RARA: variants seen among roughly 807,000 people sequenced by gnomAD.
RARA encodes PML-DDX5-RARA fusion.
A neutral mutation model predicts 42.8 loss-of-function variants in RARA; 5 were observed. That is an observed-to-expected ratio of 0.12 (90% CI 0.06 to 0.25). The LOEUF is 0.25. Ranked by LOEUF, RARA falls within the 10% of genes least tolerant of loss-of-function variation. RARA has a pLI of 1.00. For missense variants in RARA, 402 were observed against 628.7 expected (o/e 0.64, Z 3.86); for synonymous variants, 256 against 259.5 (o/e 0.99, Z 0.13).
In RARA at chr17:40,355,284, C is replaced by T. The variant is rs568539129; in HGVS notation, c.1034C>T (p.Pro345Leu). ...ICGDRQDLEQPDRVDMLQEPL... is the reference protein window; with the variant it reads ...ICGDRQDLEQLDRVDMLQEPL... ...TCAGACCGCCAGGACCTGGAGCAGC[C>T]GGACCGGGTGGACATGCTGCAGGAG... Residue 345 changes from proline (P) to leucine (L), a missense_variant, in exon 8 of 9, where the codon CCG (proline) becomes CTG (leucine). Pro to Leu is a moderately conservative substitution (Grantham distance 98). Around this residue, in one of 5 missense-constraint regions of RARA, gnomAD observed 104 missense variants for 160.1 expected, o/e 0.65. Coordinates refer to ENST00000254066, the MANE Select transcript of RARA (RefSeq NM_000964.4). This position sits in a 1 kb window ranked among gnomAD's most constrained non-coding sequence, Gnocchi z 4.1. The T allele has an allele frequency of 3.1e-6, 5 of 1,587,884 alleles. No homozygotes were observed. Among genetic ancestry groups the T allele is most frequent in the Middle Eastern group, 1.7e-4 (1 of 5,992 alleles).
chr17:40,315,100 G>GTATATATATA (rs10653964), intron 1 of RARA, among the ~76,000 whole-genome samples: 3 of 72,796 alleles, frequency 4.1e-5, no homozygotes, highest in East Asian at 3.8e-4. Flanking sequence ...TGGGTTATAT[G>GTATATATATA]TATATATATA....
intron 1 of RARA, among the ~76,000 whole-genome samples, chr17:40,310,544 T>A (rs1347055621): frequency 1.3e-5 from 2 of 152,102 alleles, no homozygotes; most frequent in African/African-American, 4.8e-5. Context: ...CCGGGTCCCC[T>A]AAAGGTTGGT....
At chr17:40,342,649 G>T in intron 2 of RARA, 1 of 1,557,274 alleles carries the variant, frequency 6.4e-7, no homozygotes, top group South Asian at 1.2e-5. Flanking sequence ...CCGGCTGAGT[G>T]ACGGGGGCGG....
intron 2 of RARA, among the ~76,000 whole-genome samples, chr17:40,336,043 A>C (rs2033839080): frequency 6.6e-6 from 1 of 152,074 alleles, no homozygotes; most frequent in African/African-American, 2.4e-5. Context: ...GTCACATACA[A>C]CTTGCTGATA....
At chr17:40,318,261 TAA>T (rs987020272) in intron 1 of RARA, 2 of 152,204 alleles carry the variant, frequency 1.3e-5, no homozygotes, top group African/African-American at 4.8e-5. Context: ...GGGCTCCGGG[TAA>T]AGTTTCAGCC....
intron 1 of RARA, among the ~76,000 whole-genome samples, chr17:40,322,681 G>C (rs1422329160): frequency 6.6e-6 from 1 of 152,002 alleles, no homozygotes; most frequent in Non-Finnish European, 1.5e-5. Context: ...GGGAAGCTGC[G>C]GTGGGGAGTT....
At chr17:40,333,396 G>A (rs2143296855) in intron 2 of RARA, among the ~76,000 whole-genome samples, 1 of 152,214 alleles carries the variant, frequency 6.6e-6, no homozygotes, top group East Asian at 1.9e-4. Flanking sequence ...AGGCTGGAGT[G>A]CAGTGGCACC....
chr17:40,340,222 C>G (rs1178990589), intron 2 of RARA, among the ~76,000 whole-genome samples: 1 of 152,140 alleles, frequency 6.6e-6, no homozygotes. Context: ...TTGTCTGATG[C>G]CTGGACTGCT....
Position 40,351,802 on chromosome 17 carries a change from C to A in RARA, c.470-108C>A, listed in dbSNP as rs2034461460. 8 of 1,444,744 alleles carry A rather than the reference C, an allele frequency of 5.5e-6. No homozygotes were observed. Among genetic ancestry groups the A allele is most frequent in the Non-Finnish European group, 7.4e-6 (8 of 1,075,154 alleles). 89.5% of individuals were successfully genotyped at this position (1,444,744 alleles called of 1,614,324 possible). ...AACGCGTGCTGTGTGCGCGTGCTTA[C>A]AAGCCTGGGTGACCTCCTCAGCAGC... On this transcript the variant is annotated intron_variant, in intron 4 of 8. Transcript: ENST00000254066. This position sits in a 1 kb window ranked among gnomAD's most constrained non-coding sequence, Gnocchi z 4.1.
rs970695211 is a variant in RARA, at chr17:40,355,507, C to A, written c.1171+86C>A. On this transcript the variant is annotated intron_variant, in intron 8 of 8. Transcript: ENST00000254066. This position sits in a 1 kb window ranked among gnomAD's most constrained non-coding sequence, Gnocchi z 4.1. ...CAAGCCAGCACCCCATGTCTTTGTG[C>A]CAGGACAATACGACACCTGTCCCCA... 1.3e-5 allele frequency: 20 copies of A among 1,485,660 alleles called. No homozygotes were observed. The highest frequency in any genetic ancestry group is 1.6e-5 in the Non-Finnish European group (18 of 1,103,382). 92.0% of individuals were successfully genotyped at this position (1,485,660 alleles called of 1,614,324 possible). A position where few individuals can be genotyped will look rare whatever the true frequency, so the allele number is the denominator to read the frequency against.
At chr17:40,311,528 C>T (rs1375321327) in intron 1 of RARA, among the ~76,000 whole-genome samples, 2 of 152,206 alleles carry the variant, frequency 1.3e-5, no homozygotes, top group Non-Finnish European at 2.9e-5. Context: ...ACTTTCTTCT[C>T]TCTTCTTGTT....
At position 40,316,810 on chromosome 17, in the gene RARA, AGGGCGGGAGGGGCT is replaced by A. The variant is rs1285830378; in HGVS notation, c.-363+7535_-363+7548del. ...GTTTGCGGATGAATCTGGACAGGAC[AGGGCGGGAGGGGCT>A]GGGCGGGAGGTTCGCACCGGCGGAC... On this transcript the variant is annotated intron_variant, in intron 1 of 8. Transcript: ENST00000254066. Among the ~76,000 whole-genome samples, 2 of 102,980 alleles carry A rather than the reference AGGGCGGGAGGGGCT, an allele frequency of 1.9e-5. 1 individual carries two copies. Among genetic ancestry groups the A allele is most frequent in the South Asian group, 6.5e-4 (2 of 3,090 alleles). The allele number at this position is 102,980 out of a possible 152,430, so 67.6% of individuals were successfully genotyped here. A position where few individuals can be genotyped will look rare whatever the true frequency, so the allele number is the denominator to read the frequency against.
chr17:40,313,970 A>G (rs540197851), intron 1 of RARA, among the ~76,000 whole-genome samples: 215 of 152,176 alleles, frequency 1.4e-3, no homozygotes, highest in Non-Finnish European at 2.0e-3. Context: ...CAACATACAC[A>G]TATTTAGTGG....
At position 40,356,222 on chromosome 17, in the gene RARA, C is replaced by T. The variant is rs770732457; in HGVS notation, c.1385C>T (p.Pro462Leu). 64 of 1,549,722 alleles carry T rather than the reference C, an allele frequency of 4.1e-5. No individual in the cohort carries two copies. Among genetic ancestry groups the T allele is most frequent in the Middle Eastern group, 3.3e-4 (2 of 6,014 alleles). ...SNRSSPATHS[P>L] ...AGAAGCAGCCCGGCCACCCACTCCC[C>T]GTGACCGCCCACGCCACATGGACAC... Residue 462 changes from proline to leucine, a missense_variant, in exon 9 of 9, where the codon CCG becomes CTG. Transcript: ENST00000254066.
chr17:40,329,279 A>G (rs1598548250), intron 1 of RARA, among the ~76,000 whole-genome samples: 1 of 150,100 alleles, frequency 6.7e-6, no homozygotes, highest in South Asian at 2.1e-4. Context: ...ATGTGCCACC[A>G]CGCCTGGATA....
At chr17:40,319,177 G>T (rs1397357119) in intron 1 of RARA, among the ~76,000 whole-genome samples, 2 of 152,156 alleles carry the variant, frequency 1.3e-5, no homozygotes, top group African/African-American at 2.4e-5. Context: ...TTGTGGGGTT[G>T]GGGGGACGGC....
At chr17:40,344,397 C>T (rs2034182111) in intron 2 of RARA, among the ~76,000 whole-genome samples, 1 of 152,136 alleles carries the variant, frequency 6.6e-6, no homozygotes, top group Non-Finnish European at 1.5e-5. Flanking sequence ...GCAAGACCCC[C>T]CTCCCCTAGG....
chr17:40,335,376 C>T (rs2033814618), intron 2 of RARA, among the ~76,000 whole-genome samples: 1 of 152,032 alleles, frequency 6.6e-6, no homozygotes, highest in Non-Finnish European at 1.5e-5. Context: ...GTGGAGTAGG[C>T]ATTTAGTGCT....
intron 2 of RARA, chr17:40,341,944 C>A: frequency 8.8e-7 from 1 of 1,140,488 alleles, no homozygotes; most frequent in Non-Finnish European, 1.1e-6. Context: ...GGAGCCTTTC[C>A]CCCTTCCTGC....
Sources: gnomAD v4.1 joint callset for allele counts (sites outside exome capture counted in the v4.1 genomes callset) on GRCh38, gnomAD v4.1.1 for gene constraint, gnomAD v4.1.1 regional missense constraint, Gnocchi (gnomAD v3.1) non-coding constraint, MANE v1.5 for transcripts, NCBI Gene and HGNC (gene_info 2026-07-23, HGNC 2026-07-21) for gene names.